Variants in SYT16 observed in about 807,000 individuals in gnomAD.
The protein encoded by SYT16 is synaptotagmin-16.
A neutral mutation model predicts 61.4 loss-of-function variants in SYT16; 42 were observed. That is an observed-to-expected ratio of 0.68 (90% CI 0.53 to 0.89). The LOEUF is 0.89. Ranked by LOEUF, SYT16 falls within the 40% of genes least tolerant of loss-of-function variation. The probability of loss-of-function intolerance (pLI) is 0.00; values close to 1 mark genes in which losing one functional copy is unlikely to be tolerated. For missense variants in SYT16, 804 were observed against 807.3 expected, an observed-to-expected ratio of 1.00 and a Z score of 0.05; for synonymous variants, 314 against 302.3, an observed-to-expected ratio of 1.04 and a Z score of -0.40.
intron 1 of SYT16, among the ~76,000 whole-genome samples, chr14:61,909,497 C>T (rs2140376724): frequency 6.6e-6 from 1 of 152,324 alleles, no homozygotes; most frequent in Middle Eastern, 3.4e-3. Context: ...CTCCCTCCAT[C>T]TTCACATGGT....
At position 62,018,465 on chromosome 14, in the gene SYT16, G is replaced by A. The variant is rs555523041; in HGVS notation, c.523+21923G>A. On this transcript the variant is annotated intron_variant, in intron 3 of 7. Coordinates refer to ENST00000683842, the MANE Select transcript of SYT16 (RefSeq NM_001367656.1). ...TGGGATTATAGGCACCTGCCACCAC[G>A]CCTGGCTAATTTTTTGTATTTTTAG... 1.6e-3 allele frequency among the ~76,000 whole-genome samples: 241 copies of A among 151,700 alleles called. 2 individuals carry two copies. The highest frequency in any genetic ancestry group is 3.1e-3 in the Non-Finnish European group (209 of 67,862).
intron 1 of SYT16, among the ~76,000 whole-genome samples, chr14:61,874,193 G>T (rs2140308451): frequency 6.6e-6 from 1 of 152,330 alleles, no homozygotes; most frequent in South Asian, 2.1e-4. Flanking sequence ...ACAAGGGACA[G>T]TCCCTTTCAA....
chr14:62,079,096 T>G (rs1366099672), intron 5 of SYT16, among the ~76,000 whole-genome samples: 2 of 152,202 alleles, frequency 1.3e-5, no homozygotes, highest in Admixed American at 1.3e-4. Flanking sequence ...ATGGGAGTTT[T>G]AGGAAGAGAC....
At chr14:61,838,176 C>T (rs1210421354) in intron 1 of SYT16, among the ~76,000 whole-genome samples, 2 of 152,128 alleles carry the variant, frequency 1.3e-5, no homozygotes, top group Non-Finnish European at 2.9e-5. Context: ...TCTTTTAGGT[C>T]ACATTCCTTT....
chr14:62,075,293 C>G lies in SYT16; in HGVS notation c.895C>G (p.Gln299Glu). The G allele has an allele frequency of 6.2e-7, 1 of 1,613,916 alleles. No individual in the cohort carries two copies. Among genetic ancestry groups the G allele is most frequent in the South Asian group, 1.1e-5 (1 of 91,072 alleles). ...CAGTGTGGTCCAAAGCCTCAGGCGCCAATCCACAGAGGGCAGCTTGGAGAT... is the reference window on the plus strand; with the variant it reads ...CAGTGTGGTCCAAAGCCTCAGGCGCGAATCCACAGAGGGCAGCTTGGAGAT... Reference protein sequence around the residue: ...ESSVVQSLRRQSTEGSLEMET... With the variant: ...ESSVVQSLRRESTEGSLEMET... The change falls in exon 5 of 8, where the codon CAA (glutamine) becomes GAA (glutamate). Residue 299 changes from glutamine (Q) to glutamate (E), a missense_variant. Gln to Glu is a conservative substitution (Grantham distance 29). Coordinates refer to ENST00000683842, the MANE Select transcript of SYT16 (RefSeq NM_001367656.1).
Position 62,080,849 on chromosome 14 carries a change from A to T in SYT16, c.1009A>T (p.Asn337Tyr). The change falls in exon 6 of 8, where the codon AAT (asparagine) becomes TAT (tyrosine). Residue 337 changes from asparagine to tyrosine, a missense_variant. By Grantham distance (143) the Asn-to-Tyr change is moderately radical. Coordinates refer to ENST00000683842, the MANE Select transcript of SYT16 (RefSeq NM_001367656.1). The stretch of plus-strand genomic sequence containing the variant: ...CCTGCAACAGGAACAGGACAGGACC[A>T]ATTTGCAGGTGCCATCCGGGGTCTC... Reference protein sequence around the residue: ...MWSPEEQDRTNLQVPSGVSEP... With the variant: ...MWSPEEQDRTYLQVPSGVSEP... The T allele has an allele frequency of 1.3e-6, 2 of 1,599,212 alleles. No individual in the cohort carries two copies. The highest frequency in any genetic ancestry group is 4.5e-5 in the East Asian group (2 of 44,444).
At chr14:61,962,871 T>C (rs558085976) in intron 1 of SYT16, among the ~76,000 whole-genome samples, 300 of 152,284 alleles carry the variant, frequency 2.0e-3, no homozygotes, top group African/African-American at 6.7e-3. Flanking sequence ...TTATTAGTTG[T>C]ACTTCTCATT....
intron 5 of SYT16, chr14:62,077,485 T>C (rs2056537956): frequency 6.6e-6 from 1 of 152,234 alleles, no homozygotes; most frequent in Non-Finnish European, 1.5e-5. Flanking sequence ...GCTGGTGATT[T>C]TGAGCACACA....
chr14:61,987,238 C>T (rs1566740309), intron 2 of SYT16, among the ~76,000 whole-genome samples: 1 of 151,938 alleles, frequency 6.6e-6, no homozygotes, highest in East Asian at 1.9e-4. Flanking sequence ...GCCTGAGCAA[C>T]TAAAAGGAGG....
Position 61,880,155 on chromosome 14 carries a change from T to A in SYT16, c.-325+67345T>A, listed in dbSNP as rs187812187. 3.3e-5 allele frequency among the ~76,000 whole-genome samples: 5 copies of A among 152,360 alleles called. No individual in the cohort carries two copies. In the East Asian group the frequency reaches 7.7e-4, roughly 23 times the overall value. On this transcript the variant is annotated intron_variant, in intron 1 of 7. Coordinates refer to ENST00000683842, the MANE Select transcript of SYT16 (RefSeq NM_001367656.1). ...CTGCCACAGATATACTGGGCATGCA[T>A]CCTCATTTGCCCAGTTCAATGATAG...
At chr14:61,814,469 T>A (rs995569284) in intron 1 of SYT16, among the ~76,000 whole-genome samples, 37 of 152,250 alleles carry the variant, frequency 2.4e-4, no homozygotes, top group Admixed American at 1.6e-3. Flanking sequence ...TTTACTTTCT[T>A]ATGTTTTGGT....
chr14:61,854,324 T>G (rs1413755171), intron 1 of SYT16, among the ~76,000 whole-genome samples: 1 of 152,250 alleles, frequency 6.6e-6, no homozygotes, highest in African/African-American at 2.4e-5. Flanking sequence ...GCTAATTTGT[T>G]GAATGAAAAA....
chr14:61,974,562 A>C (rs2051702080), intron 2 of SYT16, among the ~76,000 whole-genome samples: 1 of 152,192 alleles, frequency 6.6e-6, no homozygotes, highest in South Asian at 2.1e-4. Context: ...TGGAGTCAGC[A>C]GGAGCCAGCA....
chr14:62,078,790 G>A (rs1246567194), intron 5 of SYT16, among the ~76,000 whole-genome samples: 1 of 152,192 alleles, frequency 6.6e-6, no homozygotes, highest in Admixed American at 6.5e-5. Flanking sequence ...CTAAGCCTTG[G>A]CGGTCGACAG....
chr14:61,965,202 T>C (rs552654716), intron 1 of SYT16, among the ~76,000 whole-genome samples: 336 of 152,292 alleles, frequency 2.2e-3, no homozygotes, highest in Non-Finnish European at 3.5e-3. Context: ...GGGCCCTTTT[T>C]GTGCAACCCT....
chr14:61,823,426 A>G (rs963465029), intron 1 of SYT16, among the ~76,000 whole-genome samples: 2 of 152,012 alleles, frequency 1.3e-5, no homozygotes, highest in Non-Finnish European at 2.9e-5. Context: ...ATTGCTTTGC[A>G]CTTACGAAAA....
intron 3 of SYT16, among the ~76,000 whole-genome samples, chr14:62,061,806 C>T (rs1182209446): frequency 6.6e-6 from 1 of 152,012 alleles, no homozygotes; most frequent in Non-Finnish European, 1.5e-5. Context: ...GAGATTTTAA[C>T]ACCTCTTTCT....
In SYT16 at chr14:62,069,409, C is replaced by G; in HGVS notation, c.524-194C>G. 5 of 595,268 alleles carry G rather than the reference C, an allele frequency of 8.4e-6. No homozygotes were observed. The South Asian group carries it at 1.0e-4, about 12-fold the overall frequency. The allele number at this position is 595,268 out of a possible 1,614,324, so 36.9% of individuals were successfully genotyped here. A position where few individuals can be genotyped will look rare whatever the true frequency, so the allele number is the denominator to read the frequency against. ...AGCTATATACCGTATTTCTAATTAC[C>G]TTCATGAGCATTCTTTGCTTTGGAC... On this transcript the variant is annotated intron_variant, in intron 3 of 7. Coordinates refer to ENST00000683842, the MANE Select transcript of SYT16 (RefSeq NM_001367656.1).
chr14:61,970,782 T>C (rs1019224912), intron 2 of SYT16, among the ~76,000 whole-genome samples: 3 of 152,186 alleles, frequency 2.0e-5, no homozygotes, highest in Non-Finnish European at 4.4e-5. Flanking sequence ...AAAGAAATAA[T>C]TGGCTTCCTG....
Sources: allele counts gnomAD v4.1 joint callset (sites outside exome capture counted in the v4.1 genomes callset), GRCh38; gene constraint gnomAD v4.1.1; transcripts MANE v1.5; gene names NCBI Gene and HGNC (gene_info 2026-07-23, HGNC 2026-07-21).